Variants in CCDC57 observed in about 807,000 individuals in gnomAD.
The protein encoded by CCDC57 is coiled-coil domain containing 57, also known as coiled-coil domain-containing protein 57.
A neutral mutation model predicts 118.9 loss-of-function variants in CCDC57; 118 were observed. The ratio of observed to expected loss-of-function variants is 0.99; its 90% CI spans 0.86 to 1.16. CCDC57 has a LOEUF of 1.16. Ranked by LOEUF, CCDC57 falls within the 50% of genes most tolerant of loss-of-function variation. CCDC57 has a pLI of 0.00. For missense variants in CCDC57, 1,300 were observed against 1,320.7 expected (o/e 0.98, Z 0.24); for synonymous variants, 527 against 532.9 (o/e 0.99, Z 0.15).
chr17:82,128,519 T>G, exon 18 of CCDC57: 4 of 1,566,244 alleles, frequency 2.6e-6, no homozygotes, highest in Non-Finnish European at 3.5e-6. Flanking sequence ...GCGTCAAGTC[T>G]GCTGCCCACC....
At chr17:82,141,091 A>G (rs1167292516) in intron 16 of CCDC57, among the ~76,000 whole-genome samples, 1 of 151,420 alleles carries the variant, frequency 6.6e-6, no homozygotes, top group Non-Finnish European at 1.5e-5. Flanking sequence ...ACTCACTGCA[A>G]CCTCCGCCTC....
Position 82,188,403 on chromosome 17 carries a change from G to A in CCDC57, c.868C>T (p.Arg290Cys), listed in dbSNP as rs370858697. The change falls in exon 8 of 20, where the codon CGT (arginine) becomes TGT (cysteine). Residue 290 changes from arginine to cysteine, a missense_variant. Transcript: ENST00000665763. ...ACTGCATCCTTCTCCCTGGCCAGAC[G>A]GTCGAGCTCCTCATGCCTGAAACAC... 1.1e-5 allele frequency: 18 copies of A among 1,611,192 alleles called. No homozygotes were observed. In the African/African-American group the frequency reaches 1.2e-4, roughly 11 times the overall value.
At chr17:82,150,824 C>T (rs1222272244) in intron 16 of CCDC57, among the ~76,000 whole-genome samples, 1 of 118,802 alleles carries the variant, frequency 8.4e-6, no homozygotes, top group Non-Finnish European at 1.7e-5. Flanking sequence ...ACCAGGCGCA[C>T]ACTCAGAACC....
chr17:82,168,941 A>C (rs1170331287), intron 13 of CCDC57, among the ~76,000 whole-genome samples: 1 of 152,174 alleles, frequency 6.6e-6, no homozygotes. Flanking sequence ...CACTACCCCC[A>C]CCACAAAAAA....
rs546487075 is a variant in CCDC57 at position 82,204,395 on chromosome 17, C to T, written c.-8-2443G>A. ...CTTGCTGTCTCCCACCTTGTGCCCA[C>T]ACCTCGGCCACCACAGTGTCTTACC... On this transcript the variant is annotated intron_variant, in intron 2 of 19. Coordinates refer to ENST00000665763, the Ensembl canonical transcript of CCDC57. Among the ~76,000 whole-genome samples, 149 of 152,344 alleles carry T rather than the reference C, an allele frequency of 9.8e-4. 1 individual carries two copies. The highest frequency in any genetic ancestry group is 3.5e-3 in the African/African-American group (144 of 41,574).
At chr17:82,126,685 G>A (rs1430838611) in intron 19 of CCDC57, 2 of 985,326 alleles carry the variant, frequency 2.0e-6, no homozygotes, top group Non-Finnish European at 1.2e-6. Context: ...AGGCGATGCT[G>A]TCCACCACAC....
intron 16 of CCDC57, among the ~76,000 whole-genome samples, chr17:82,147,870 G>A (rs1598899948): frequency 9.8e-6 from 1 of 102,276 alleles, no homozygotes. Flanking sequence ...GTGAATGGAT[G>A]AATGGGTGGG....
chr17:82,184,016 T>G, intron 8 of CCDC57, 84 bp from the exon 8 acceptor site: 11 of 304,588 alleles, frequency 3.6e-5, no homozygotes, highest in East Asian at 2.1e-4. Flanking sequence ...CAAATACACA[T>G]GCGCGCGCGC....
At chr17:82,101,831 C>T (rs369435465) in exon 20 of CCDC57, 31 of 1,588,432 alleles carry the variant, frequency 2.0e-5, no homozygotes, top group Middle Eastern at 3.3e-4. Flanking sequence ...TGCATCTTGA[C>T]GGGCCTCCTG....
At chr17:82,124,832 C>A (rs985753694) in intron 19 of CCDC57, among the ~76,000 whole-genome samples, 8 of 151,718 alleles carry the variant, frequency 5.3e-5, no homozygotes, top group South Asian at 2.1e-4. Flanking sequence ...GAGGGGGGAG[C>A]CAAGAAACGA....
chr17:82,171,850 T>C (rs758332300), exon 13 of CCDC57: 1 of 1,611,040 alleles, frequency 6.2e-7, no homozygotes, highest in Non-Finnish European at 8.5e-7. Context: ...GGCCAGAACA[T>C]AATCTGCCAA....
intron 7 of CCDC57, among the ~76,000 whole-genome samples, chr17:82,191,264 G>C (rs749990724): frequency 5.9e-5 from 9 of 152,094 alleles, no homozygotes; most frequent in East Asian, 1.9e-4. Context: ...GGCGCCAGAT[G>C]ATGAGGAAAC....
chr17:82,172,604 T>G lies in CCDC57; in HGVS notation c.1729+34A>C, dbSNP rs1374060136. On this transcript the variant is annotated intron_variant, in intron 12 of 19. Transcript: ENST00000665763. The surrounding 1 kb of genome is among the most constrained non-coding windows in gnomAD (Gnocchi z 5.2). Reference sequence around the variant, plus strand: ...CCTCCTCCCTCCCTCTCCCCCTTCCTCTCCCGCTCTGTCCGTTTCTCCCAC... The same window carrying G: ...CCTCCTCCCTCCCTCTCCCCCTTCCGCTCCCGCTCTGTCCGTTTCTCCCAC... 2.6e-6 allele frequency: 4 copies of G among 1,533,288 alleles called. No individual in the cohort carries two copies. The African/African-American group carries it at 4.1e-5, about 16-fold the overall frequency. The allele number at this position is 1,533,288 out of a possible 1,614,324, so 95.0% of individuals were successfully genotyped here.
intron 3 of CCDC57, 133 bp downstream of exon 2, chr17:82,201,405 C>T (rs1051349720): frequency 2.6e-6 from 3 of 1,155,684 alleles, no homozygotes; most frequent in South Asian, 1.6e-5. Flanking sequence ...CAGACCAGCT[C>T]CCGTGGCCTG....
At chr17:82,101,696 T>C in exon 20 of CCDC57, 1 of 1,606,676 alleles carries the variant, frequency 6.2e-7, no homozygotes. Flanking sequence ...TCCATAATGT[T>C]GTAGTTACGG....
intron 7 of CCDC57, among the ~76,000 whole-genome samples, chr17:82,189,267 C>A (rs1599322586): frequency 6.6e-6 from 1 of 151,712 alleles, no homozygotes; most frequent in African/African-American, 2.4e-5. Context: ...GACCCTGTCT[C>A]AAAAACAAAC....
intron 17 of CCDC57, among the ~76,000 whole-genome samples, chr17:82,130,992 T>G (rs913193258): frequency 6.6e-6 from 1 of 151,290 alleles, no homozygotes; most frequent in African/African-American, 2.4e-5. Context: ...TTTATATTTT[T>G]GGTAGAGACG....
At position 82,118,246 on chromosome 17, in the gene CCDC57, G is replaced by C. The variant is rs1342554950; in HGVS notation, c.2899+9446C>G. 6.6e-6 allele frequency among the ~76,000 whole-genome samples: 1 copy of C among 152,188 alleles called. No homozygotes were observed. Among genetic ancestry groups the C allele is most frequent in the East Asian group, 1.9e-4 (1 of 5,198 alleles). ...GGTGCAGGGGGACTGGGCAGTTGTG[G>C]CCTGGTGGGTAGGGACTGGGAGGGA... On this transcript the variant is annotated intron_variant, in intron 19 of 19. Transcript: ENST00000665763. This position sits in a 1 kb window ranked among gnomAD's most constrained non-coding sequence, Gnocchi z 4.7.
chr17:82,189,386 T>C (rs1363155707), intron 7 of CCDC57, among the ~76,000 whole-genome samples: 2 of 152,226 alleles, frequency 1.3e-5, no homozygotes, highest in African/African-American at 2.4e-5. Context: ...ATCAGGTATA[T>C]GTAATGTTAT....
Sources: allele counts gnomAD v4.1 joint callset (sites outside exome capture counted in the v4.1 genomes callset), GRCh38; gene constraint gnomAD v4.1.1; non-coding constraint Gnocchi (gnomAD v3.1); transcripts MANE v1.5; gene names NCBI Gene and HGNC (gene_info 2026-07-23, HGNC 2026-07-21).